TET1: variants seen among roughly 807,000 people sequenced by gnomAD.
TET1 encodes tet methylcytosine dioxygenase 1.
Under a neutral mutation model 148.7 loss-of-function variants are expected in TET1, and 13 were observed. The ratio of observed to expected loss-of-function variants is 0.09; its 90% CI spans 0.06 to 0.14. TET1 has a LOEUF of 0.14. Ranked by LOEUF, TET1 falls within the 10% of genes least tolerant of loss-of-function variation. The pLI is 1.00. For missense variants in TET1, 2,182 were observed against 2,553.8 expected, an observed-to-expected ratio of 0.85 and a Z score of 3.14; for synonymous variants, 907 against 937.2, an observed-to-expected ratio of 0.97 and a Z score of 0.59.
rs954951892 is a variant in TET1 at position 68,654,805 on chromosome 10, G to A, written c.4461+2211G>A. On this transcript the variant is annotated intron_variant, in intron 6 of 11. Transcript: ENST00000373644. ...CAGTTTTTGTGGGTTAGGAATCCAA[G>A]TGGTGCTTCTGACATAGGCTCCTAT... is the stretch of plus-strand genomic sequence containing the variant. Among the ~76,000 whole-genome samples the A allele has an allele frequency of 3.3e-5, 5 of 152,288 alleles. No individual in the cohort carries two copies. The East Asian group carries it at 7.7e-4, about 24-fold the overall frequency.
At chr10:68,616,770 C>G (rs111386088) in intron 3 of TET1, among the ~76,000 whole-genome samples, 2,237 of 150,728 alleles carry the variant, frequency 0.015, 44 homozygotes, top group African/African-American at 0.052. Context: ...TGCAGTGGCG[C>G]AATCTCGGCT....
rs1480801672 is a variant in TET1 at position 68,574,230 on chromosome 10, C to G, written c.1892C>G (p.Pro631Arg). 6.2e-7 allele frequency: 1 copy of G among 1,612,370 alleles called. No homozygotes were observed. The highest frequency in any genetic ancestry group is 8.5e-7 in the Non-Finnish European group (1 of 1,179,762). The change falls in exon 2 of 12, where the codon CCA becomes CGA. Residue 631 changes from proline (P) to arginine (R), a missense_variant. This residue lies in a region of TET1 where 226 missense variants were observed against 307.4 expected (regional missense o/e 0.74). Transcript: ENST00000373644. ...AAATGTGAGGAGCTGAAAAAGAAACCATCTGTTGTTGTGCCTCTGGAGGTA... is the reference window on the plus strand; with the variant it reads ...AAATGTGAGGAGCTGAAAAAGAAACGATCTGTTGTTGTGCCTCTGGAGGTA... ...KRKCEELKKK[P>R]SVVVPLEVIK...
At chr10:68,587,877 T>TTTTTG (rs2053877555) in intron 2 of TET1, among the ~76,000 whole-genome samples, 1 of 152,196 alleles carries the variant, frequency 6.6e-6, no homozygotes, top group Admixed American at 6.6e-5. Flanking sequence ...CGTCTTGTTG[T>TTTTTG]TTTTGTTTTG....
intron 3 of TET1, among the ~76,000 whole-genome samples, chr10:68,603,799 T>C (rs2054088592): frequency 6.6e-6 from 1 of 152,144 alleles, no homozygotes; most frequent in Non-Finnish European, 1.5e-5. Context: ...AACACTATTA[T>C]CCATATTTAT....
At chr10:68,593,533 G>A (rs907396416) in intron 2 of TET1, among the ~76,000 whole-genome samples, 1 of 151,822 alleles carries the variant, frequency 6.6e-6, no homozygotes, top group Non-Finnish European at 1.5e-5. Flanking sequence ...TGCCTCCGGG[G>A]TTCAAGGGAT....
At chr10:68,659,072 A>G (rs531367134) in intron 6 of TET1, among the ~76,000 whole-genome samples, 1 of 152,200 alleles carries the variant, frequency 6.6e-6, no homozygotes, top group South Asian at 2.1e-4. Context: ...TGCTAAAAAT[A>G]CAAAATTAGC....
intron 6 of TET1, among the ~76,000 whole-genome samples, chr10:68,663,248 A>G (rs1447784970): frequency 6.6e-6 from 1 of 152,198 alleles, no homozygotes; most frequent in Non-Finnish European, 1.5e-5. Flanking sequence ...TTGTGGCTAG[A>G]CATTTAGGGT....
rs542797213 is a variant in TET1, at chr10:68,658,493, A to G, written c.4461+5899A>G. Reference sequence around the variant, plus strand: ...TATTGCTTCTCTTTTTAATGATCACACACAAAAAGTCTAACAGCAAATTCT... The same window carrying G: ...TATTGCTTCTCTTTTTAATGATCACGCACAAAAAGTCTAACAGCAAATTCT... On this transcript the variant is annotated intron_variant, in intron 6 of 11. Transcript: ENST00000373644. 5.3e-5 allele frequency among the ~76,000 whole-genome samples: 8 copies of G among 152,290 alleles called. No individual in the cohort carries two copies. In the East Asian group the frequency reaches 1.4e-3, roughly 26 times the overall value.
chr10:68,679,173 ACT>A (rs999873795), intron 8 of TET1, among the ~76,000 whole-genome samples: 4 of 152,274 alleles, frequency 2.6e-5, no homozygotes, highest in African/African-American at 7.2e-5. Flanking sequence ...ACAGAGTGAA[ACT>A]CTGTCTCAAA....
At chr10:68,616,283 C>A (rs1413037473) in intron 3 of TET1, among the ~76,000 whole-genome samples, 1 of 152,156 alleles carries the variant, frequency 6.6e-6, no homozygotes, top group African/African-American at 2.4e-5. Context: ...GTCTTTCAAT[C>A]TGATATTTTC....
chr10:68,681,987 A>C (rs1228258087), intron 9 of TET1, among the ~76,000 whole-genome samples: 1 of 150,862 alleles, frequency 6.6e-6, no homozygotes, highest in East Asian at 1.9e-4. Flanking sequence ...AACAAAAAAA[A>C]CCAGTCATTG....
At chr10:68,608,021 C>G (rs1281875575) in intron 3 of TET1, among the ~76,000 whole-genome samples, 3 of 151,244 alleles carry the variant, frequency 2.0e-5, no homozygotes, top group Non-Finnish European at 4.4e-5. Flanking sequence ...CTCCATCTCC[C>G]GGGTTCAAGC....
At position 68,645,140 on chromosome 10, in the gene TET1, T is replaced by C. The variant is rs1328525221; in HGVS notation, c.2411T>C (p.Met804Thr). Reference sequence around the variant, plus strand: ...GACACTGCAAACCATAAAAACGCTATGAGCTCTGTTGCTACTGATATGAGT... The same window carrying C: ...GACACTGCAAACCATAAAAACGCTACGAGCTCTGTTGCTACTGATATGAGT... ...LKDTANHKNA[M>T]SSVATDMSCD... The change falls in exon 4 of 12, where the codon ATG becomes ACG. Residue 804 changes from methionine (M) to threonine (T), a missense_variant. Physicochemically the swap from Met to Thr is moderately conservative, Grantham distance 81 (BLOSUM62 -1). Coordinates refer to ENST00000373644, the MANE Select transcript of TET1 (RefSeq NM_030625.3). 1 of 1,613,976 alleles carries C rather than the reference T, an allele frequency of 6.2e-7. No homozygotes were observed. The highest frequency in any genetic ancestry group is 1.7e-5 in the Admixed American group (1 of 60,014).
At chr10:68,678,645 G>A (rs1280397803) in intron 8 of TET1, among the ~76,000 whole-genome samples, 1 of 152,000 alleles carries the variant, frequency 6.6e-6, no homozygotes, top group East Asian at 1.9e-4. Context: ...GGCTACTCAA[G>A]TGCCTGAGGC....
intron 8 of TET1, among the ~76,000 whole-genome samples, chr10:68,677,520 T>C (rs2055377786): frequency 6.6e-6 from 1 of 152,220 alleles, no homozygotes; most frequent in Non-Finnish European, 1.5e-5. Flanking sequence ...ATGGAACTTA[T>C]GTTCAGAAAT....
intron 2 of TET1, among the ~76,000 whole-genome samples, chr10:68,599,551 C>A (rs1055070815): frequency 2.6e-5 from 4 of 152,216 alleles, no homozygotes; most frequent in South Asian, 2.1e-4. Flanking sequence ...TGTCCCACTG[C>A]CTACCACCCA....
Position 68,572,667 on chromosome 10 carries a change from C to G in TET1, c.329C>G (p.Ser110Cys), listed in dbSNP as rs2053683408. The change falls in exon 2 of 12, where the codon TCT becomes TGT. Residue 110 changes from serine (S) to cysteine (C), a missense_variant. By Grantham distance (112) the Ser-to-Cys change is moderately radical. Transcript: ENST00000373644. ...TTTACAATGGCGCTACGAAGCACCT[C>G]TCTTAGCAGGCGACTCTCCCAACCC... ...NGFTMALRSTSLSRRLSQPPL... is the reference protein window; with the variant it reads ...NGFTMALRSTCLSRRLSQPPL... 6.2e-7 allele frequency: 1 copy of G among 1,614,160 alleles called. No individual in the cohort carries two copies. Among genetic ancestry groups the G allele is most frequent in the Non-Finnish European group, 8.5e-7 (1 of 1,180,022 alleles).
chr10:68,692,951 AT>A lies in TET1; in HGVS notation c.*1139del. Reference sequence around the variant, plus strand: ...TCTGATACAGAATTAGAAAAAAAAAATTCTTGTTGAAATATTTTGAAAACAA... The same window carrying A: ...TCTGATACAGAATTAGAAAAAAAAAATCTTGTTGAAATATTTTGAAAACAA... On this transcript the variant is annotated 3_prime_UTR_variant, in exon 12 of 12. Coordinates refer to ENST00000373644, the MANE Select transcript of TET1 (RefSeq NM_030625.3). 4.3e-6 allele frequency: 1 copy of A among 231,384 alleles called. No individual in the cohort carries two copies. The highest frequency in any genetic ancestry group is 8.5e-6 in the Non-Finnish European group (1 of 117,168). 14.3% of individuals were successfully genotyped at this position (231,384 alleles called of 1,614,324 possible).
At chr10:68,633,124 C>T (rs2054601290) in intron 3 of TET1, among the ~76,000 whole-genome samples, 4 of 151,844 alleles carry the variant, frequency 2.6e-5, no homozygotes. Flanking sequence ...GTGGAGGTTG[C>T]GGTGAGCCAA....
Sources: allele counts gnomAD v4.1 joint callset (sites outside exome capture counted in the v4.1 genomes callset), GRCh38; gene constraint gnomAD v4.1.1; regional missense constraint gnomAD v4.1.1; transcripts MANE v1.5; gene names NCBI Gene and HGNC (gene_info 2026-07-23, HGNC 2026-07-21).